PLXNA4: variants seen among roughly 807,000 people sequenced by gnomAD.
The protein encoded by PLXNA4 is plexin-A4.
A neutral mutation model predicts 191.8 loss-of-function variants in PLXNA4; 44 were observed. The observed-to-expected ratio is 0.23, with a 90% CI of 0.18 to 0.29. The LOEUF is 0.29. Ranked by LOEUF, PLXNA4 falls within the 10% of genes least tolerant of loss-of-function variation. PLXNA4 has a pLI of 1.00. For synonymous variants in PLXNA4, 1,082 were observed against 1,009.5 expected (o/e 1.07, Z -1.36); for missense variants, 1,800 against 2,488.8 (o/e 0.72, Z 5.89).
intron 25 of PLXNA4, 152 bp from the exon 26 acceptor site, chr7:132,148,798 C>A: frequency 7.7e-7 from 1 of 1,290,396 alleles, no homozygotes; most frequent in East Asian, 2.6e-5. Context: ...AGTGCCAAAG[C>A]TCTCAACGCA....
chr7:132,343,842 G>A (rs1394924274), intron 3 of PLXNA4, among the ~76,000 whole-genome samples: 6 of 152,244 alleles, frequency 3.9e-5, no homozygotes, highest in African/African-American at 7.2e-5. Flanking sequence ...GCTTGAACCC[G>A]GAAGGTGGAG....
intron 9 of PLXNA4, among the ~76,000 whole-genome samples, chr7:132,223,170 G>A (rs1798201834): frequency 6.6e-6 from 1 of 152,198 alleles, no homozygotes; most frequent in Admixed American, 6.5e-5. Context: ...AGGAACAGCT[G>A]AGGAGTCTGG....
intron 2 of PLXNA4, among the ~76,000 whole-genome samples, chr7:132,492,860 A>AT (rs900647543): frequency 3.3e-5 from 5 of 152,122 alleles, no homozygotes; most frequent in Non-Finnish European, 5.9e-5. Context: ...TTTCATGTTG[A>AT]TTTTTTGTGT....
intron 2 of PLXNA4, among the ~76,000 whole-genome samples, chr7:132,599,373 G>T (rs1413700104): frequency 6.6e-6 from 1 of 152,164 alleles, no homozygotes; most frequent in African/African-American, 2.4e-5. Context: ...AGCATAGCAT[G>T]TGTCTCCATT....
At chr7:132,326,563 C>T (rs982620852) in intron 3 of PLXNA4, among the ~76,000 whole-genome samples, 1 of 152,092 alleles carries the variant, frequency 6.6e-6, no homozygotes, top group Non-Finnish European at 1.5e-5. Context: ...CCAGCCCCTG[C>T]ATCAGGGCTG....
intron 3 of PLXNA4, among the ~76,000 whole-genome samples, chr7:132,368,302 T>C (rs1179282705): frequency 6.6e-6 from 1 of 152,136 alleles, no homozygotes; most frequent in East Asian, 1.9e-4. Context: ...TTTGATCAAC[T>C]ACTAAGGTAT....
chr7:132,424,092 AG>A (rs1470437122), intron 3 of PLXNA4, among the ~76,000 whole-genome samples: 4 of 152,068 alleles, frequency 2.6e-5, no homozygotes, highest in African/African-American at 9.7e-5. Flanking sequence ...CCCACAGAGA[AG>A]GCTGAGACGT....
intron 2 of PLXNA4, among the ~76,000 whole-genome samples, chr7:132,609,880 G>A (rs1046114727): frequency 1.3e-5 from 2 of 152,172 alleles, no homozygotes; most frequent in East Asian, 3.9e-4. Context: ...ATGAGCACTG[G>A]CTTTTATTTA....
chr7:132,378,481 T>G (rs978116805), intron 3 of PLXNA4, among the ~76,000 whole-genome samples: 1 of 152,092 alleles, frequency 6.6e-6, no homozygotes, highest in Non-Finnish European at 1.5e-5. Flanking sequence ...GTGTCCTGGG[T>G]TGTCACCTCT....
At chr7:132,500,980 T>C (rs1316932694) in intron 2 of PLXNA4, among the ~76,000 whole-genome samples, 1 of 152,108 alleles carries the variant, frequency 6.6e-6, no homozygotes, top group Non-Finnish European at 1.5e-5. Flanking sequence ...CGAAAGGAAT[T>C]GAAGGGAAGG....
chr7:132,448,769 A>G (rs1303360880), intron 3 of PLXNA4, among the ~76,000 whole-genome samples: 1 of 152,236 alleles, frequency 6.6e-6, no homozygotes, highest in Non-Finnish European at 1.5e-5. Flanking sequence ...TGAGTCAGAG[A>G]AGGAAGAACC....
chr7:132,473,178 G>A (rs957479541), intron 3 of PLXNA4, among the ~76,000 whole-genome samples: 8 of 152,250 alleles, frequency 5.3e-5, no homozygotes, highest in African/African-American at 1.9e-4. Context: ...AGAAAAAGAT[G>A]AGAACTTGTC....
intron 3 of PLXNA4, among the ~76,000 whole-genome samples, chr7:132,373,270 T>C (rs1462452918): frequency 1.3e-5 from 2 of 152,144 alleles, no homozygotes; most frequent in East Asian, 3.9e-4. Context: ...CAACCAGGGA[T>C]GCCAAGTACA....
intron 1 of PLXNA4, among the ~76,000 whole-genome samples, chr7:132,573,638 G>GTCAGGAAGGC (rs1554472755): frequency 6.6e-6 from 1 of 151,552 alleles, no homozygotes; most frequent in Admixed American, 6.6e-5. Context: ...AGCAGCAGGC[G>GTCAGGAAGGC]ACAGGAAGGC....
At chr7:132,409,069 G>A (rs538732623) in intron 3 of PLXNA4, among the ~76,000 whole-genome samples, 14 of 152,268 alleles carry the variant, frequency 9.2e-5, no homozygotes, top group Non-Finnish European at 1.5e-5. Context: ...GACTTGGATG[G>A]TCTTCTAGAA....
At chr7:132,462,791 T>C (rs1449634693) in intron 3 of PLXNA4, among the ~76,000 whole-genome samples, 1 of 151,640 alleles carries the variant, frequency 6.6e-6, no homozygotes, top group Non-Finnish European at 1.5e-5. Context: ...TTTTTTCTTG[T>C]TTATTCTTGT....
At chr7:132,143,727 C>G (rs574398178) in intron 29 of PLXNA4, among the ~76,000 whole-genome samples, 40 of 152,300 alleles carry the variant, frequency 2.6e-4, no homozygotes, top group Non-Finnish European at 4.9e-4. Flanking sequence ...TGGGAGATAT[C>G]AGACCCAGCA....
intron 9 of PLXNA4, among the ~76,000 whole-genome samples, chr7:132,218,685 T>C (rs7783455): frequency 0.25 from 37,852 of 152,116 alleles, 6,014 homozygotes; most frequent in East Asian, 0.49. Flanking sequence ...GACCAGTGGC[T>C]GCTCCTGCTC....
rs963482876 is a variant in PLXNA4, at chr7:132,632,705, T to C, written c.-87+13223A>G. Among the ~76,000 whole-genome samples, 4 of 152,182 alleles carry C rather than the reference T, an allele frequency of 2.6e-5. No individual in the cohort carries two copies. In the South Asian group the frequency reaches 8.3e-4, roughly 31 times the overall value. On this transcript the variant is annotated intron_variant, in intron 2 of 4. Coordinates refer to the PLXNA4 transcript ENST00000378539. Reference sequence around the variant, plus strand: ...TTAAAAATAAATCCCATTATCACTATCATTTCATTTTTTAAATGACTTGTT... The same window carrying C: ...TTAAAAATAAATCCCATTATCACTACCATTTCATTTTTTAAATGACTTGTT...
Sources: gnomAD v4.1 joint callset for allele counts (sites outside exome capture counted in the v4.1 genomes callset) on GRCh38, gnomAD v4.1.1 for gene constraint, MANE v1.5 for transcripts, NCBI Gene and HGNC (gene_info 2026-07-23, HGNC 2026-07-21) for gene names.